FRMPD4: variants seen among roughly 807,000 people sequenced by gnomAD.
The protein encoded by FRMPD4 is FERM and PDZ domain containing 4.
Under a neutral mutation model 94.1 loss-of-function variants are expected in FRMPD4, and 22 were observed. The observed-to-expected ratio is 0.23, with a 90% CI of 0.17 to 0.33. The LOEUF (loss-of-function observed/expected upper bound fraction) is 0.33, where lower values mean the gene tolerates loss of function less well. FRMPD4 is among the 10% of genes least tolerant of loss of function. FRMPD4 has a pLI of 1.00. For missense variants in FRMPD4, 1,111 were observed against 1,339.9 expected (o/e 0.83, Z 2.67); for synonymous variants, 631 against 548.6 (o/e 1.15, Z -2.10).
intron 3 of FRMPD4, among the ~76,000 whole-genome samples, chrX:12,066,355 G>A (rs2054920035): frequency 8.9e-6 from 1 of 111,880 alleles, no homozygotes; most frequent in Non-Finnish European, 1.9e-5. Context: ...TTCTAAGACT[G>A]TCTTTTCTGT....
chrX:12,594,880 G>GCC (rs2059016802), intron 2 of FRMPD4, among the ~76,000 whole-genome samples: 1 of 111,983 alleles, frequency 8.9e-6, no homozygotes, highest in Non-Finnish European at 1.9e-5. Context: ...ATGGTTCAGT[G>GCC]GGGACTCCCT....
intron 1 of FRMPD4, among the ~76,000 whole-genome samples, chrX:12,485,997 AT>A (rs1470413640): frequency 9.0e-6 from 1 of 111,189 alleles, no homozygotes; most frequent in Non-Finnish European, 1.9e-5. Context: ...GTTGCTATCT[AT>A]TGTCAAACCA....
intron 3 of FRMPD4, among the ~76,000 whole-genome samples, chrX:11,892,580 C>A (rs760985631): frequency 8.9e-6 from 1 of 111,845 alleles, no homozygotes; most frequent in Non-Finnish European, 1.9e-5. Context: ...CAAAATCTGC[C>A]GGACAGGAAA....
intron 1 of FRMPD4, among the ~76,000 whole-genome samples, chrX:12,157,224 A>G (rs2055949761): frequency 8.9e-6 from 1 of 112,181 alleles, no homozygotes; most frequent in African/African-American, 3.2e-5. Flanking sequence ...ATTATAGCCT[A>G]TTGAAGTGGT....
intron 3 of FRMPD4, among the ~76,000 whole-genome samples, chrX:12,083,442 G>T (rs1273074409): frequency 1.8e-5 from 2 of 113,061 alleles, no homozygotes; most frequent in Admixed American, 1.8e-4. Flanking sequence ...GTTTGCTGCA[G>T]AGGTGGGGGC....
At chrX:12,478,885 T>G (rs1569293237) in intron 1 of FRMPD4, among the ~76,000 whole-genome samples, 1 of 111,791 alleles carries the variant, frequency 8.9e-6, no homozygotes, top group South Asian at 3.7e-4. Flanking sequence ...TGAAAAGTCA[T>G]AAGACTTAGC....
intron 1 of FRMPD4, among the ~76,000 whole-genome samples, chrX:12,231,035 TATATATATATATAAA>T (rs2056995859): frequency 6.5e-5 from 4 of 61,741 alleles, no homozygotes; most frequent in Non-Finnish European, 8.6e-5. Context: ...ATATAGTATA[TATATATATATATAAA>T]ATATATATAT....
chrX:11,927,526 G>C (rs773019430), intron 3 of FRMPD4, among the ~76,000 whole-genome samples: 1 of 111,805 alleles, frequency 8.9e-6, no homozygotes, highest in Non-Finnish European at 1.9e-5. Flanking sequence ...AACCAAAACA[G>C]CATGGTACTA....
intron 3 of FRMPD4, among the ~76,000 whole-genome samples, chrX:11,945,324 T>G (rs745314184): frequency 1.8e-5 from 2 of 112,119 alleles, no homozygotes; most frequent in South Asian, 7.4e-4. Flanking sequence ...CTATGAGAGT[T>G]ATGTCATATT....
At chrX:12,185,791 G>C (rs2056417494) in intron 1 of FRMPD4, among the ~76,000 whole-genome samples, 1 of 111,619 alleles carries the variant, frequency 9.0e-6, no homozygotes, top group African/African-American at 3.2e-5. Flanking sequence ...AAATATCATT[G>C]TAACTTTATT....
intron 1 of FRMPD4, among the ~76,000 whole-genome samples, chrX:11,863,069 G>A (rs949673165): frequency 3.0e-5 from 3 of 101,234 alleles, no homozygotes; most frequent in East Asian, 3.2e-4. Context: ...TATGTACAAC[G>A]TGCAGGTTTG....
intron 3 of FRMPD4, among the ~76,000 whole-genome samples, chrX:11,918,189 T>A (rs762920519): frequency 8.8e-6 from 1 of 113,275 alleles, no homozygotes; most frequent in African/African-American, 3.2e-5. Flanking sequence ...AGCAAGCACA[T>A]ACCAATGTTT....
intron 1 of FRMPD4, among the ~76,000 whole-genome samples, chrX:12,415,982 C>A (rs752784032): frequency 8.9e-6 from 1 of 112,249 alleles, no homozygotes; most frequent in Non-Finnish European, 1.9e-5. Flanking sequence ...TTGGGCAGCA[C>A]ATAAGATAAT....
rs140054514 is a variant in FRMPD4 at position 12,187,864 on chromosome X, C to T, written c.41+48852C>T. Among the ~76,000 whole-genome samples the T allele has an allele frequency of 3.0e-4, 33 of 111,481 alleles. No homozygotes were observed. In the East Asian group the frequency reaches 8.5e-3, roughly 29 times the overall value. ...CTTTTTGTGAGTCACAGCCAAAGAA[C>T]GACACTGTTCTAGATCATAAGGACC... is the stretch of plus-strand genomic sequence containing the variant. On this transcript the variant is annotated intron_variant, in intron 1 of 16. Transcript: ENST00000675598.
At chrX:12,483,758 A>T (rs2057712747) in intron 1 of FRMPD4, among the ~76,000 whole-genome samples, 1 of 112,115 alleles carries the variant, frequency 8.9e-6, no homozygotes, top group African/African-American at 3.2e-5. Context: ...CACACTTATT[A>T]GTCATTTTTA....
At chrX:12,640,535 C>T (rs2148460338) in intron 4 of FRMPD4, among the ~76,000 whole-genome samples, 1 of 111,242 alleles carries the variant, frequency 9.0e-6, no homozygotes, top group African/African-American at 3.3e-5. Context: ...TACCTCTTTG[C>T]TCAGAGAAAC....
chrX:12,543,111 T>C (rs1202003936), intron 2 of FRMPD4, among the ~76,000 whole-genome samples: 1 of 111,496 alleles, frequency 9.0e-6, no homozygotes, highest in East Asian at 2.8e-4. Context: ...AAGACTTACA[T>C]GTTAGACCTA....
rs1459769000 is a variant in FRMPD4 at position 12,720,901 on chromosome X, A to C, written c.4332A>C (p.Ala1444=). The C allele has an allele frequency of 1.2e-6, 1 of 839,194 alleles. No homozygotes were observed. The highest frequency in any genetic ancestry group is 2.1e-5 in the African/African-American group (1 of 47,475). 69.2% of individuals were successfully genotyped at this position (839,194 alleles called of 1,213,427 possible). A position where few individuals can be genotyped will look rare whatever the true frequency, so the allele number is the denominator to read the frequency against. ...AGGAGGCCAGTTCTGAAAGGCGAGC[A>C]GAACTCCCCCTGGGGAGGAAGCTCA... The part of the protein sequence containing the change: ...EAQEASSERR[A]ELPLGRKLTK... The change falls in exon 17 of 17, where the codon GCA becomes GCC. Residue 1444 remains alanine (A), a synonymous_variant. Transcript: ENST00000675598.
At chrX:11,899,370 C>T (rs1033584256) in intron 3 of FRMPD4, among the ~76,000 whole-genome samples, 4 of 94,311 alleles carry the variant, frequency 4.2e-5, no homozygotes, top group Non-Finnish European at 8.3e-5. Flanking sequence ...CTGTGACTCA[C>T]GAGTGATGTT....
Sources: allele counts gnomAD v4.1 joint callset (sites outside exome capture counted in the v4.1 genomes callset), GRCh38; gene constraint gnomAD v4.1.1; transcripts MANE v1.5; gene names NCBI Gene and HGNC (gene_info 2026-07-23, HGNC 2026-07-21).